The following RICTOR variants were observed in gnomAD, a reference collection of about 807,000 sequenced individuals.
The protein encoded by RICTOR is rapamycin-insensitive companion of mTOR.
Under a neutral mutation model 214.9 loss-of-function variants are expected in RICTOR, and 49 were observed. The ratio of observed to expected loss-of-function variants is 0.23; its 90% CI spans 0.18 to 0.29. RICTOR has a LOEUF of 0.29. Ranked by LOEUF, RICTOR falls within the 10% of genes least tolerant of loss-of-function variation. The probability of loss-of-function intolerance (pLI) is 1.00; values close to 1 mark genes in which losing one functional copy is unlikely to be tolerated. For synonymous variants in RICTOR, 717 were observed against 711.3 expected, an observed-to-expected ratio of 1.01 and a Z score of -0.13; for missense variants, 1,625 against 2,047.0, an observed-to-expected ratio of 0.79 and a Z score of 3.98.
chr5:39,065,794 C>G (rs1395247759), intron 2 of RICTOR, among the ~76,000 whole-genome samples: 1 of 152,250 alleles, frequency 6.6e-6, no homozygotes, highest in South Asian at 2.1e-4. Context: ...ACTCTATGTT[C>G]CACATTCAAG....
intron 37 of RICTOR, 25 bp from the exon 38 acceptor site, chr5:38,942,403 A>G (rs767260799): frequency 1.4e-6 from 2 of 1,456,656 alleles, no homozygotes; most frequent in Non-Finnish European, 1.9e-6. Context: ...GTGTATCATC[A>G]ATTACTTTTA....
rs997872321 is a variant in RICTOR at position 38,939,288 on chromosome 5, G to C, written c.*3016C>G. 6.5e-5 allele frequency: 15 copies of C among 232,414 alleles called. No homozygotes were observed. Among genetic ancestry groups the C allele is most frequent in the Non-Finnish European group, 9.4e-5 (11 of 117,554 alleles). The allele number at this position is 232,414 out of a possible 1,614,324, so 14.4% of individuals were successfully genotyped here. ...TCAGCTTGAATTATCTCAAGCTCTA[G>C]ATAAAAGAGCTGAAACCCATTAAAG... On this transcript the variant is annotated 3_prime_UTR_variant, in exon 38 of 38. Coordinates refer to ENST00000357387, the MANE Select transcript of RICTOR (RefSeq NM_152756.5).
At position 39,007,041 on chromosome 5, in the gene RICTOR, G is replaced by C. The variant is rs74942414; in HGVS notation, c.196-3419C>G. On this transcript the variant is annotated intron_variant, in intron 3 of 37. Coordinates refer to ENST00000357387, the MANE Select transcript of RICTOR (RefSeq NM_152756.5). The stretch of plus-strand genomic sequence containing the variant: ...AATAACATAAAATTTTCTAAGTTTT[G>C]AGATAAAACTTCTATACCTCTAAAA... Among the ~76,000 whole-genome samples, 759 of 152,116 alleles carry C rather than the reference G, an allele frequency of 5.0e-3. 11 individuals carry two copies. The highest frequency in any genetic ancestry group is 0.018 in the African/African-American group (729 of 41,474).
At chr5:39,038,536 G>C (rs7732602) in intron 2 of RICTOR, among the ~76,000 whole-genome samples, 24,366 of 152,142 alleles carry the variant, frequency 0.16, 2,099 homozygotes, top group Middle Eastern at 0.22. Flanking sequence ...AACTGTCCCT[G>C]TTTGCAGATG....
Position 38,958,715 on chromosome 5 carries a change from C to T in RICTOR, c.2295G>A (p.Thr765=), listed in dbSNP as rs1749530659. Residue 765 remains threonine (T), a synonymous_variant, in exon 23 of 38, where the codon ACG becomes ACA. Transcript: ENST00000357387. Reference sequence around the variant, plus strand: ...GGATATCAAGAGCTTCAGAGGAAATCGTTTTGTTTTTATCATGTAGCTGGG... The same window carrying T: ...GGATATCAAGAGCTTCAGAGGAAATTGTTTTGTTTTTATCATGTAGCTGGG... ...LVTQLHDKNK[T]ISSEALDILD... is the part of the protein sequence containing the mutation. The T allele has an allele frequency of 1.9e-6, 3 of 1,611,474 alleles. No homozygotes were observed. Among genetic ancestry groups the T allele is most frequent in the Non-Finnish European group, 2.5e-6 (3 of 1,178,868 alleles).
chr5:38,953,448 GT>G lies in RICTOR; in HGVS notation c.2790+12del. Reference sequence around the variant, plus strand: ...AAAATTGCGAAGATCTTACAGAAGTGTTTATTACAAACCAAGGCCCAAAGAG... The same window carrying G: ...AAAATTGCGAAGATCTTACAGAAGTGTTATTACAAACCAAGGCCCAAAGAG... On this transcript the variant is annotated intron_variant, in intron 28 of 37. Coordinates refer to ENST00000357387, the MANE Select transcript of RICTOR (RefSeq NM_152756.5). 8.1e-7 allele frequency: 1 copy of G among 1,231,380 alleles called. No individual in the cohort carries two copies. The highest frequency in any genetic ancestry group is 2.6e-5 in the Admixed American group (1 of 38,918). 76.3% of individuals were successfully genotyped at this position (1,231,380 alleles called of 1,614,324 possible). A position where few individuals can be genotyped will look rare whatever the true frequency, so the allele number is the denominator to read the frequency against.
intron 24 of RICTOR, among the ~76,000 whole-genome samples, chr5:38,957,983 A>G (rs1202240372): frequency 1.3e-5 from 2 of 152,190 alleles, no homozygotes; most frequent in African/African-American, 4.8e-5. Flanking sequence ...CACGCCTGTA[A>G]TTCCAGCACT....
chr5:38,994,451 A>AAAAAAAG (rs1304761708), intron 6 of RICTOR, among the ~76,000 whole-genome samples: 3,210 of 101,318 alleles, frequency 0.032, 729 homozygotes, highest in Non-Finnish European at 0.04. Context: ...AAAAAAAAAA[A>AAAAAAAG]AGTGCTTCAG....
intron 8 of RICTOR, 27 bp from the exon 9 acceptor site, chr5:38,978,677 G>C (rs779361532): frequency 2.6e-6 from 3 of 1,165,828 alleles, no homozygotes; most frequent in Non-Finnish European, 3.7e-6. Flanking sequence ...AGGAAGAAAA[G>C]AGTCTTTATT....
At chr5:38,991,728 G>A (rs1396805837) in intron 6 of RICTOR, among the ~76,000 whole-genome samples, 1 of 152,018 alleles carries the variant, frequency 6.6e-6, no homozygotes, top group Non-Finnish European at 1.5e-5. Context: ...AATTTTGTAT[G>A]AATCTCACAT....
chr5:38,946,153 C>T (rs1213990432), intron 33 of RICTOR, among the ~76,000 whole-genome samples: 2 of 152,116 alleles, frequency 1.3e-5, no homozygotes, highest in Admixed American at 1.3e-4. Flanking sequence ...TCTAAACAAA[C>T]AGCTATTTCC....
intron 2 of RICTOR, among the ~76,000 whole-genome samples, chr5:39,062,337 G>T (rs1223458345): frequency 1.3e-5 from 2 of 152,026 alleles, no homozygotes; most frequent in Non-Finnish European, 2.9e-5. Context: ...AGAGTTCACA[G>T]CTCACCTACC....
intron 3 of RICTOR, 88 bp from the exon 4 acceptor site, chr5:39,003,710 G>A (rs1178637767): frequency 1.4e-6 from 1 of 699,040 alleles, no homozygotes; most frequent in East Asian, 3.0e-5. Flanking sequence ...GGAAAATAAG[G>A]TATTTTTATG....
At position 39,074,392 on chromosome 5, in the gene RICTOR, G is replaced by C. The variant is rs1251277667; in HGVS notation, c.-15C>G. ...ATCGCCGCCATATTGACGGGTTTCAGTCACAACACCGGAAACCTCGCCCAA... is the reference window on the plus strand; with the variant it reads ...ATCGCCGCCATATTGACGGGTTTCACTCACAACACCGGAAACCTCGCCCAA... On this transcript the variant is annotated 5_prime_UTR_variant, in exon 1 of 38. Coordinates refer to ENST00000357387, the MANE Select transcript of RICTOR (RefSeq NM_152756.5). 1 of 1,534,990 alleles carries C rather than the reference G, an allele frequency of 6.5e-7. No individual in the cohort carries two copies.
At chr5:39,050,170 A>G (rs1757745514) in intron 2 of RICTOR, among the ~76,000 whole-genome samples, 1 of 150,374 alleles carries the variant, frequency 6.7e-6, no homozygotes, top group Non-Finnish European at 1.5e-5. Context: ...GCTTTTTTAC[A>G]TATATAAATA....
chr5:38,948,293 C>G (rs1176598595), intron 31 of RICTOR, among the ~76,000 whole-genome samples: 1 of 152,078 alleles, frequency 6.6e-6, no homozygotes, highest in Non-Finnish European at 1.5e-5. Context: ...TTTTGTAAAA[C>G]ACACAAAAGA....
intron 2 of RICTOR, among the ~76,000 whole-genome samples, chr5:39,055,646 CAT>C (rs1396142219): frequency 6.6e-6 from 1 of 151,980 alleles, no homozygotes; most frequent in Admixed American, 6.6e-5. Flanking sequence ...GAGAGGCAGA[CAT>C]GTGAATAAAA....
chr5:38,999,027 C>CAAAAAAAAAAAAAAAAAAA (rs1186312478), intron 5 of RICTOR, among the ~76,000 whole-genome samples: 2 of 25,342 alleles, frequency 7.9e-5, no homozygotes, highest in African/African-American at 1.6e-4. Flanking sequence ...AACAAACAGG[C>CAAAAAAAAAAAAAAAAAAA]AAAAAAAAAA....
chr5:38,978,097 A>G (rs1002280995), intron 9 of RICTOR, among the ~76,000 whole-genome samples: 1 of 152,182 alleles, frequency 6.6e-6, no homozygotes, highest in Non-Finnish European at 1.5e-5. Context: ...CCAAATACCT[A>G]GTGAACATGT....
Sources: gnomAD v4.1 joint callset for allele counts (sites outside exome capture counted in the v4.1 genomes callset) on GRCh38, gnomAD v4.1.1 for gene constraint, MANE v1.5 for transcripts, NCBI Gene and HGNC (gene_info 2026-07-23, HGNC 2026-07-21) for gene names.